The following TTC7A variants were observed in gnomAD, a reference collection of about 807,000 sequenced individuals.
The protein encoded by TTC7A is tetratricopeptide repeat protein 7A.
A neutral mutation model predicts 103.7 loss-of-function variants in TTC7A; 110 were observed. That is an observed-to-expected ratio of 1.06 (90% CI 0.91 to 1.24). The LOEUF (loss-of-function observed/expected upper bound fraction) is 1.24. TTC7A is among the 50% of genes most tolerant of loss of function. The pLI is 0.00. For synonymous variants in TTC7A, 521 were observed against 467.9 expected, an observed-to-expected ratio of 1.11 and a Z score of -1.47; for missense variants, 1,340 against 1,116.3, an observed-to-expected ratio of 1.20 and a Z score of -2.86.
intron 3 of TTC7A, among the ~76,000 whole-genome samples, chr2:46,967,901 C>T (rs746740982): frequency 6.6e-6 from 1 of 152,012 alleles, no homozygotes; most frequent in Admixed American, 6.6e-5. Context: ...GAATGAATTG[C>T]ATTTTTTCGC....
At position 46,931,820 on chromosome 2, in the gene TTC7A, C is replaced by A. The variant is rs1323424032; in HGVS notation, c.82+14543C>A. Among the ~76,000 whole-genome samples the A allele has an allele frequency of 2.0e-5, 3 of 152,178 alleles. No individual in the cohort carries two copies. The East Asian group carries it at 5.8e-4, about 29-fold the overall frequency. ...TTTAGTTCATAAGACCTACTTTGGA[C>A]TTCTGACCTCAGGAATTTTAAGATA... On this transcript the variant is annotated intron_variant, in intron 2 of 20. Coordinates refer to the TTC7A transcript ENST00000409245.
intron 18 of TTC7A, 129 bp downstream of exon 18, chr2:47,052,009 CCT>C (rs1343056211): frequency 1.6e-6 from 2 of 1,216,884 alleles, no homozygotes; most frequent in Admixed American, 5.4e-5. Flanking sequence ...GTTACAGAGT[CCT>C]CGCCTCTGGC....
At chr2:46,921,589 G>A (rs1669105360) in intron 2 of TTC7A, among the ~76,000 whole-genome samples, 1 of 152,150 alleles carries the variant, frequency 6.6e-6, no homozygotes, top group Non-Finnish European at 1.5e-5. Flanking sequence ...CAAATGATAT[G>A]CTCACTTTAA....
At chr2:46,948,307 A>T (rs74580433) in intron 1 of TTC7A, among the ~76,000 whole-genome samples, 1 of 152,198 alleles carries the variant, frequency 6.6e-6, no homozygotes, top group Non-Finnish European at 1.5e-5. Flanking sequence ...CAAGGCCCAC[A>T]GCTCTGGAAT....
chr2:47,026,231 G>T (rs1023147903), intron 14 of TTC7A, among the ~76,000 whole-genome samples: 4 of 152,210 alleles, frequency 2.6e-5, no homozygotes, highest in African/African-American at 7.2e-5. Flanking sequence ...TGGCTGGCCG[G>T]CACAGTGATG....
intron 1 of TTC7A, among the ~76,000 whole-genome samples, chr2:46,943,325 C>T (rs1371152190): frequency 6.6e-6 from 1 of 152,172 alleles, no homozygotes; most frequent in Non-Finnish European, 1.5e-5. Context: ...GTGGTTAAAG[C>T]CTGTACTCAA....
intron 2 of TTC7A, among the ~76,000 whole-genome samples, chr2:46,951,323 A>AT (rs1671385298): frequency 6.6e-6 from 1 of 152,138 alleles, no homozygotes; most frequent in Non-Finnish European, 1.5e-5. Context: ...AAAAAAAAAA[A>AT]GAAATGCAAT....
intron 19 of TTC7A, among the ~76,000 whole-genome samples, chr2:47,072,059 G>C (rs1377190736): frequency 6.6e-6 from 1 of 152,158 alleles, no homozygotes; most frequent in Non-Finnish European, 1.5e-5. Context: ...CCTCCTCCCT[G>C]TGGGCCGTGT....
chr2:46,944,607 C>T (rs2103921280), intron 1 of TTC7A, among the ~76,000 whole-genome samples: 1 of 152,234 alleles, frequency 6.6e-6, no homozygotes, highest in Non-Finnish European at 1.5e-5. Context: ...CCTGTAGTCC[C>T]AGCTGTTTGG....
rs192249067 is a variant in TTC7A at position 46,965,789 on chromosome 2, C to T, written c.517+8782C>T. On this transcript the variant is annotated intron_variant, in intron 3 of 19. Transcript: ENST00000319190. ...TGTTAGCCAGGCTGTTCTTGAACTCCTGACCTCAAGTGATCCGCCTGCCTC... is the reference window on the plus strand; with the variant it reads ...TGTTAGCCAGGCTGTTCTTGAACTCTTGACCTCAAGTGATCCGCCTGCCTC... Among the ~76,000 whole-genome samples the T allele has an allele frequency of 2.8e-3, 428 of 151,804 alleles. 3 individuals are homozygous for T. Among genetic ancestry groups the T allele is most frequent in the African/African-American group, 0.01 (416 of 41,378 alleles).
chr2:46,985,854 A>G (rs867369060), intron 5 of TTC7A, among the ~76,000 whole-genome samples: 1 of 152,240 alleles, frequency 6.6e-6, no homozygotes, highest in Non-Finnish European at 1.5e-5. Context: ...TTAAAAAATA[A>G]TATAAAGATA....
At position 46,926,718 on chromosome 2, in the gene TTC7A, G is replaced by A. The variant is rs150349853; in HGVS notation, c.82+9441G>A. ...TCTACAATAATTTTTCAAATGCAAT[G>A]TCCTACACAATTAAAGACAACTAGA... On this transcript the variant is annotated intron_variant, in intron 2 of 20. Transcript: ENST00000409245. 6.4e-3 allele frequency among the ~76,000 whole-genome samples: 977 copies of A among 152,292 alleles called. 7 individuals are homozygous for A. Among genetic ancestry groups the A allele is most frequent in the African/African-American group, 0.022 (924 of 41,558 alleles).
chr2:46,974,134 T>C (rs1461490634), intron 3 of TTC7A, among the ~76,000 whole-genome samples: 3 of 152,164 alleles, frequency 2.0e-5, no homozygotes, highest in Non-Finnish European at 2.9e-5. Flanking sequence ...CAGAGTCCAA[T>C]TAACAAGAGC....
Position 47,073,711 on chromosome 2 carries a change from C to G in TTC7A, c.2365C>G (p.Leu789Val), listed in dbSNP as rs148222280. 1.9e-6 allele frequency: 3 copies of G among 1,613,698 alleles called. No homozygotes were observed. Among genetic ancestry groups the G allele is most frequent in the Admixed American group, 3.3e-5 (2 of 60,008 alleles). ...TGTGCTTCGTCCACAGGGTCTGATG[C>G]TGAGTCGGCTGGGCCACAAGAGCTT... The part of the protein sequence containing the change: ...VRIMHSLGLM[L>V]SRLGHKSLAQ... Residue 789 changes from leucine (L) to valine (V), a missense_variant, in exon 20 of 20, where the codon CTG (leucine) becomes GTG (valine). Leu to Val is a conservative substitution (Grantham distance 32, BLOSUM62 1). Coordinates refer to ENST00000319190, the MANE Select transcript of TTC7A (RefSeq NM_020458.4).
At chr2:47,022,880 G>A (rs1460626670) in intron 12 of TTC7A, among the ~76,000 whole-genome samples, 1 of 152,210 alleles carries the variant, frequency 6.6e-6, no homozygotes, top group Admixed American at 6.5e-5. Context: ...GTCAATGCTT[G>A]GTCCTCGCCA....
chr2:47,041,995 G>C (rs976839686), intron 15 of TTC7A, among the ~76,000 whole-genome samples: 1 of 152,120 alleles, frequency 6.6e-6, no homozygotes, highest in African/African-American at 2.4e-5. Flanking sequence ...AAGACGGGAT[G>C]ATTGAAGCTT....
At chr2:47,066,448 G>A (rs565785819) in intron 19 of TTC7A, among the ~76,000 whole-genome samples, 2 of 152,228 alleles carry the variant, frequency 1.3e-5, no homozygotes, top group African/African-American at 4.8e-5. Flanking sequence ...AGCCTTTTTA[G>A]GTGCTCTGGG....
intron 19 of TTC7A, among the ~76,000 whole-genome samples, chr2:47,064,265 T>C (rs1370310549): frequency 3.3e-5 from 5 of 152,120 alleles, no homozygotes; most frequent in Admixed American, 2.6e-4. Flanking sequence ...CTGGCAAGTG[T>C]AGAAAGAAAA....
chr2:47,053,035 A>G (rs1683000966), intron 18 of TTC7A, among the ~76,000 whole-genome samples: 1 of 152,154 alleles, frequency 6.6e-6, no homozygotes. Flanking sequence ...AGTATGCAGT[A>G]CGCCCCCACT....
Sources: allele counts gnomAD v4.1 joint callset (sites outside exome capture counted in the v4.1 genomes callset), GRCh38; gene constraint gnomAD v4.1.1; transcripts MANE v1.5; gene names NCBI Gene and HGNC (gene_info 2026-07-23, HGNC 2026-07-21).